The following ARHGAP6 variants were observed in gnomAD, a reference collection of about 807,000 sequenced individuals.
ARHGAP6 encodes the protein rho GTPase-activating protein 6.
In ARHGAP6, 16 loss-of-function variants were observed where a neutral mutation model predicts 55.7. The ratio of observed to expected loss-of-function variants is 0.29; its 90% CI spans 0.19 to 0.44. ARHGAP6 has a LOEUF of 0.44. Ranked by LOEUF, ARHGAP6 falls within the 20% of genes least tolerant of loss-of-function variation. The pLI, the probability that ARHGAP6 is intolerant of heterozygous loss-of-function variation, is 1.00. For synonymous variants in ARHGAP6, 382 were observed against 360.9 expected, an observed-to-expected ratio of 1.06 and a Z score of -0.66; for missense variants, 698 against 808.9, an observed-to-expected ratio of 0.86 and a Z score of 1.66.
rs372814610 is a variant in ARHGAP6 at position 11,172,759 on chromosome X, C to T, written c.1630-3075G>A. On this transcript the variant is annotated intron_variant, in intron 8 of 12. Coordinates refer to ENST00000337414, the MANE Select transcript of ARHGAP6 (RefSeq NM_013427.3). Reference sequence around the variant, plus strand: ...AAGAAGAGTTGCTCCCAGGCAACATCCACCTTTTCTCCATGTGTTTCAGCA... The same window carrying T: ...AAGAAGAGTTGCTCCCAGGCAACATTCACCTTTTCTCCATGTGTTTCAGCA... Among the ~76,000 whole-genome samples the T allele has an allele frequency of 3.7e-4, 41 of 111,231 alleles. No homozygotes were observed. The East Asian group carries it at 5.1e-3, about 14-fold the overall frequency.
At chrX:11,280,546 T>C (rs1481718622) in intron 1 of ARHGAP6, among the ~76,000 whole-genome samples, 1 of 110,048 alleles carries the variant, frequency 9.1e-6, no homozygotes, top group African/African-American at 3.3e-5. Context: ...AAGGGGTGTA[T>C]CCACAATAGG....
intron 1 of ARHGAP6, among the ~76,000 whole-genome samples, chrX:11,256,424 A>G (rs765856324): frequency 1.3e-4 from 15 of 111,693 alleles, no homozygotes; most frequent in African/African-American, 4.5e-4. Flanking sequence ...ACCTTAAAGA[A>G]GGGAGACAGA....
chrX:11,254,712 AGGC>A lies in ARHGAP6; in HGVS notation c.589-8_589-6del. The A allele has an allele frequency of 1.1e-6, 1 of 901,500 alleles. No homozygotes were observed. The highest frequency in any genetic ancestry group is 1.5e-6 in the Non-Finnish European group (1 of 689,020). The allele number at this position is 901,500 out of a possible 1,213,427, so 74.3% of individuals were successfully genotyped here. A position where few individuals can be genotyped will look rare whatever the true frequency, so the allele number is the denominator to read the frequency against. On this transcript the variant is annotated splice_region_variant and splice_polypyrimidine_tract_variant and intron_variant, in intron 1 of 12. Coordinates refer to ENST00000337414, the MANE Select transcript of ARHGAP6 (RefSeq NM_013427.3). ...GCTGTTCCAGGTGAAATCACCCTGT[AGGC>A]CAAAAAAAAAAAAAAAAAAAAAATC...
At chrX:11,180,930 T>C (rs924452106) in intron 6 of ARHGAP6, among the ~76,000 whole-genome samples, 1 of 112,549 alleles carries the variant, frequency 8.9e-6, no homozygotes, top group Non-Finnish European at 1.9e-5. Context: ...TGCAAAGAGT[T>C]TGGCCTATGA....
intron 1 of ARHGAP6, among the ~76,000 whole-genome samples, chrX:11,498,002 G>A (rs141548616): frequency 3.3e-4 from 37 of 111,460 alleles, no homozygotes; most frequent in African/African-American, 1.2e-3. Flanking sequence ...TATCATTATT[G>A]TTGCTGTAAG....
At position 11,298,243 on chromosome X, in the gene ARHGAP6, C is replaced by T. The variant is rs104894733; in HGVS notation, c.589-43536G>A. The T allele has an allele frequency of 8.3e-7, 1 of 1,211,199 alleles. No individual in the cohort carries two copies. Among genetic ancestry groups the T allele is most frequent in the Non-Finnish European group, 1.1e-6 (1 of 895,097 alleles). On this transcript the variant is annotated intron_variant, in intron 1 of 12. Transcript: ENST00000337414. ...ATATCTTTTTCTCTTAAGGTGCTTA[C>T]CCCTTTGAAGTGGTACCAGAGCATA...
intron 2 of ARHGAP6, among the ~76,000 whole-genome samples, chrX:11,234,884 C>G (rs867013395): frequency 8.9e-6 from 1 of 112,598 alleles, no homozygotes; most frequent in Non-Finnish European, 1.9e-5. Flanking sequence ...AATGATCTAG[C>G]AAGCCACAAA....
chrX:11,532,651 A>C (rs898831296), intron 1 of ARHGAP6, among the ~76,000 whole-genome samples: 4 of 107,856 alleles, frequency 3.7e-5, no homozygotes, highest in African/African-American at 1.4e-4. Flanking sequence ...AAAAATTAAA[A>C]AGAAGACTAT....
chrX:11,479,940 T>C (rs2050439884), intron 1 of ARHGAP6, among the ~76,000 whole-genome samples: 1 of 111,392 alleles, frequency 9.0e-6, no homozygotes, highest in Non-Finnish European at 1.9e-5. Context: ...TACCTTGAAA[T>C]ACACATGCTT....
rs2051813205 is a variant in ARHGAP6, at chrX:11,590,869, G to GAAAAGAAAGAAGGAAAGAAAGAAA, written c.588+73371_588+73372insTTTCTTTCTTTCCTTCTTTCTTTT. ...AAGAAAAGAAAAGAAAAGAAAAGAA[G>GAAAAGAAAGAAGGAAAGAAAGAAA]GAAAGAAAGAAAGAAAGAAAGAAAG... On this transcript the variant is annotated intron_variant, in intron 1 of 12. Coordinates refer to ENST00000337414, the MANE Select transcript of ARHGAP6 (RefSeq NM_013427.3). 4.1e-4 allele frequency among the ~76,000 whole-genome samples: 10 copies of GAAAAGAAAGAAGGAAAGAAAGAAA among 24,221 alleles called. 2 individuals carry two copies. Among genetic ancestry groups the GAAAAGAAAGAAGGAAAGAAAGAAA allele is most frequent in the African/African-American group, 1.9e-3 (9 of 4,716 alleles). The allele number at this position is 24,221 out of a possible 115,157, so 21.0% of individuals were successfully genotyped here.
At chrX:11,320,823 T>C (rs1470486983) in intron 1 of ARHGAP6, among the ~76,000 whole-genome samples, 3 of 103,182 alleles carry the variant, frequency 2.9e-5, no homozygotes, top group East Asian at 3.2e-4. Context: ...GTGTATAATA[T>C]ACACACACAC....
chrX:11,503,928 G>A (rs1280291259), intron 1 of ARHGAP6, among the ~76,000 whole-genome samples: 2 of 111,169 alleles, frequency 1.8e-5, no homozygotes, highest in African/African-American at 3.3e-5. Flanking sequence ...CAAAACCGTG[G>A]TTGAAAAATT....
At chrX:11,573,340 T>A (rs2051552696) in intron 1 of ARHGAP6, among the ~76,000 whole-genome samples, 1 of 109,729 alleles carries the variant, frequency 9.1e-6, no homozygotes, top group Non-Finnish European at 1.9e-5. Context: ...AAGTCTTTCA[T>A]CCATCTTGAA....
chrX:11,598,712 G>A (rs1439741403), intron 1 of ARHGAP6, among the ~76,000 whole-genome samples: 1 of 112,278 alleles, frequency 8.9e-6, no homozygotes, highest in Non-Finnish European at 1.9e-5. Context: ...AGTATTCCAC[G>A]ATGTATATGT....
At chrX:11,654,141 C>T (rs188310041) in intron 1 of ARHGAP6, among the ~76,000 whole-genome samples, 151 of 111,542 alleles carry the variant, frequency 1.4e-3, no homozygotes, top group Non-Finnish European at 2.4e-3. Flanking sequence ...TTATATTAAA[C>T]GCTGAGGCAG....
At chrX:11,335,280 G>A (rs773503278) in intron 1 of ARHGAP6, 1 of 126,100 alleles carries the variant, frequency 7.9e-6, no homozygotes, top group East Asian at 2.7e-4. Flanking sequence ...GTGCAGTTTT[G>A]TTACATGGAT....
At chrX:11,297,190 C>G (rs181659103) in intron 1 of ARHGAP6, among the ~76,000 whole-genome samples, 13 of 112,015 alleles carry the variant, frequency 1.2e-4, no homozygotes, top group African/African-American at 4.2e-4. Context: ...AAACTCTTTC[C>G]AGCTCAAAAA....
intron 1 of ARHGAP6, among the ~76,000 whole-genome samples, chrX:11,463,148 G>T (rs1257808855): frequency 8.9e-6 from 1 of 112,084 alleles, no homozygotes; most frequent in Non-Finnish European, 1.9e-5. Flanking sequence ...TGGTGTTGGA[G>T]GAGTAGGGAG....
intron 1 of ARHGAP6, among the ~76,000 whole-genome samples, chrX:11,418,411 G>A (rs1350256897): frequency 9.0e-6 from 1 of 111,453 alleles, no homozygotes; most frequent in African/African-American, 3.3e-5. Flanking sequence ...TTGTGTTGAT[G>A]TGCAATTTTA....
Sources: gnomAD v4.1 joint callset for allele counts (sites outside exome capture counted in the v4.1 genomes callset) on GRCh38, gnomAD v4.1.1 for gene constraint, MANE v1.5 for transcripts, NCBI Gene and HGNC (gene_info 2026-07-23, HGNC 2026-07-21) for gene names.